The following AVIL variants were observed in gnomAD, a reference collection of about 807,000 sequenced individuals.
AVIL encodes advillin.
A neutral mutation model predicts 109.9 loss-of-function variants in AVIL; 78 were observed. That is an observed-to-expected ratio of 0.71 (90% CI 0.59 to 0.86). The LOEUF is 0.86. AVIL is among the 40% of genes least tolerant of loss of function. AVIL has a pLI of 0.00. For missense variants in AVIL, 892 were observed against 1,016.5 expected, an observed-to-expected ratio of 0.88 and a Z score of 1.67; for synonymous variants, 367 against 379.1, an observed-to-expected ratio of 0.97 and a Z score of 0.37.
At chr12:57,806,657 A>G (rs1955952809) in intron 13 of AVIL, 118 bp from the exon 14 acceptor site, 1 of 1,147,138 alleles carries the variant, frequency 8.7e-7, no homozygotes. Context: ...AGGAGCTTCT[A>G]GACTCACTGG....
Position 57,797,733 on chromosome 12 carries a change from A to C in AVIL, c.*149T>G. 1 of 742,722 alleles carries C rather than the reference A, an allele frequency of 1.3e-6. No individual in the cohort carries two copies. Among genetic ancestry groups the C allele is most frequent in the Admixed American group, 4.2e-5 (1 of 23,544 alleles). 46.0% of individuals were successfully genotyped at this position (742,722 alleles called of 1,614,324 possible). On this transcript the variant is annotated 3_prime_UTR_variant, in exon 20 of 20. Transcript: ENST00000549994. ...AAGCAAGGAATGCAAGGATGAGAAA[A>C]AATGGAGAACATGCCGTGATTTGCA...
chr12:57,816,142 C>T, intron 1 of AVIL, 83 bp from the exon 2 acceptor site: 1 of 1,189,994 alleles, frequency 8.4e-7, no homozygotes, highest in Non-Finnish European at 1.2e-6. Context: ...AGCTGCTTCC[C>T]AGTCTGTTGT....
Position 57,813,258 on chromosome 12 carries a change from T to C in AVIL, c.307A>G (p.Thr103Ala). The stretch of plus-strand genomic sequence containing the variant: ...CCCTGCTTGAAGTAGCCACGGAAAG[T>C]GTCTGACTCATGGTACTGGACCTCT... ...HREVQYHESDTFRGYFKQGII... is the reference protein window; with the variant it reads ...HREVQYHESDAFRGYFKQGII... Residue 103 changes from threonine (T) to alanine (A), a missense_variant, in exon 4 of 20, where the codon ACT (threonine) becomes GCT (alanine). Physicochemically the swap from Thr to Ala is moderately conservative, Grantham distance 58. Coordinates refer to ENST00000549994, the MANE Select transcript of AVIL (RefSeq NM_006576.4). 6.2e-7 allele frequency: 1 copy of C among 1,613,772 alleles called. No homozygotes were observed. Among genetic ancestry groups the C allele is most frequent in the South Asian group, 1.1e-5 (1 of 91,064 alleles).
chr12:57,812,902 A>G (rs529037684), intron 4 of AVIL, among the ~76,000 whole-genome samples: 16 of 152,312 alleles, frequency 1.1e-4, no homozygotes, highest in African/African-American at 3.6e-4. Flanking sequence ...AGTCTGGTCC[A>G]TGTGCCCTTA....
In AVIL at chr12:57,799,942, G is replaced by C. The variant is rs769165850; in HGVS notation, c.2221-22C>G. On this transcript the variant is annotated intron_variant, in intron 18 of 19. Transcript: ENST00000549994. ...TGTCCTAGGTAAGATAAGAATGTAG[G>C]CACAGGGAAAAGACTCCTCAGTGTC... 6.6e-5 allele frequency: 106 copies of C among 1,613,552 alleles called. No homozygotes were observed. The Admixed American group carries it at 1.7e-3, about 26-fold the overall frequency.
intron 19 of AVIL, 62 bp downstream of exon 19, chr12:57,799,733 G>T: frequency 6.2e-7 from 1 of 1,606,096 alleles, no homozygotes; most frequent in South Asian, 1.1e-5. Flanking sequence ...CATTTGCTGA[G>T]CTGAGTTTTT....
chr12:57,817,993 C>T (rs555258937), intron 1 of AVIL, among the ~76,000 whole-genome samples: 193 of 152,040 alleles, frequency 1.3e-3, no homozygotes, highest in African/African-American at 4.2e-3. Context: ...CCCTTTTGGA[C>T]GGACCCTGAG....
rs1368942536 is a variant in AVIL at position 57,802,668 on chromosome 12, G to A, written c.1963-320C>T. The A allele has an allele frequency of 4.7e-6, 3 of 640,984 alleles. No homozygotes were observed. In the South Asian group the frequency reaches 5.3e-5, roughly 11 times the overall value. 39.7% of individuals were successfully genotyped at this position (640,984 alleles called of 1,614,324 possible). On this transcript the variant is annotated intron_variant, in intron 16 of 19. Coordinates refer to ENST00000549994, the MANE Select transcript of AVIL (RefSeq NM_006576.4). ...ACCTTAAAAATAACACCTTCAGGAT[G>A]TAGCTCTTCTTTACTAAACTTGTAT...
chr12:57,810,733 C>T (rs1393987340), intron 6 of AVIL, 83 bp downstream of exon 6: 24 of 1,493,492 alleles, frequency 1.6e-5, no homozygotes, highest in Non-Finnish European at 2.0e-5. Flanking sequence ...AGGCAGGGCT[C>T]CACCTTGATT....
chr12:57,813,510 G>C, intron 3 of AVIL, 87 bp from the exon 4 acceptor site: 1 of 1,352,050 alleles, frequency 7.4e-7, no homozygotes, highest in South Asian at 1.3e-5. Flanking sequence ...TGCAGCACAT[G>C]TGCATGCCCT....
chr12:57,803,159 G>A, intron 16 of AVIL, 88 bp downstream of exon 16: 1 of 1,531,202 alleles, frequency 6.5e-7, no homozygotes, highest in Non-Finnish European at 8.9e-7. Flanking sequence ...GGCTACCCTG[G>A]GTTTATTCTA....
At chr12:57,802,067 C>G in intron 17 of AVIL, 93 bp downstream of exon 17, 1 of 1,419,224 alleles carries the variant, frequency 7.0e-7, no homozygotes, top group Middle Eastern at 2.5e-4. Flanking sequence ...CCTGGTTTCA[C>G]TGAGCCGTGA....
At chr12:57,814,489 C>T (rs1956077115) in intron 2 of AVIL, 2 of 440,234 alleles carry the variant, frequency 4.5e-6, no homozygotes, top group African/African-American at 2.0e-5. Flanking sequence ...CTCTACTTCC[C>T]ACCCGATCTC....
At chr12:57,812,796 T>G (rs1242398457) in intron 4 of AVIL, among the ~76,000 whole-genome samples, 1 of 152,242 alleles carries the variant, frequency 6.6e-6, no homozygotes, top group Non-Finnish European at 1.5e-5. Flanking sequence ...TTCTGGCTAC[T>G]GCATAATACT....
intron 13 of AVIL, 55 bp downstream of exon 13, chr12:57,807,276 T>G: frequency 4.6e-5 from 72 of 1,579,364 alleles, no homozygotes; most frequent in Non-Finnish European, 5.6e-5. Flanking sequence ...CCTGTGCTGG[T>G]TTGTTAGTTT....
chr12:57,806,133 CTTTT>C (rs372846869), intron 14 of AVIL: 50 of 142,374 alleles, frequency 3.5e-4, no homozygotes, highest in East Asian at 2.1e-3. Flanking sequence ...CCGTGCCCAG[CTTTT>C]TTTTTTTTTT....
intron 9 of AVIL, chr12:57,809,091 T>TA: frequency 6.1e-6 from 1 of 163,934 alleles, no homozygotes; most frequent in Non-Finnish European, 1.3e-5. Flanking sequence ...GCCTCCCGGG[T>TA]TCAAGTGATT....
chr12:57,808,897 A>C, intron 9 of AVIL: 1 of 259,062 alleles, frequency 3.9e-6, no homozygotes, highest in Non-Finnish European at 7.5e-6. Context: ...ATCTGCACAA[A>C]TATAAGCTCC....
chr12:57,802,897 A>T (rs1955878638), intron 16 of AVIL: 1 of 536,474 alleles, frequency 1.9e-6, no homozygotes, highest in Admixed American at 3.5e-5. Flanking sequence ...TGACCATGAC[A>T]ATAGTCTACT....
Sources: allele counts gnomAD v4.1 joint callset (sites outside exome capture counted in the v4.1 genomes callset), GRCh38; gene constraint gnomAD v4.1.1; transcripts MANE v1.5; gene names NCBI Gene and HGNC (gene_info 2026-07-23, HGNC 2026-07-21).